The following ENPP3 variants were observed in gnomAD, a reference collection of about 807,000 sequenced individuals.
ENPP3 encodes ectonucleotide pyrophosphatase/phosphodiesterase family member 3.
Under a neutral mutation model 117.8 loss-of-function variants are expected in ENPP3, and 104 were observed. The observed-to-expected ratio is 0.88, with a 90% CI of 0.75 to 1.04. ENPP3 has a LOEUF of 1.04. Ranked by LOEUF, ENPP3 falls within the 50% of genes least tolerant of loss-of-function variation. The pLI is 0.00. For missense variants in ENPP3, 1,026 were observed against 1,051.9 expected (o/e 0.98, Z 0.34); for synonymous variants, 380 against 349.9 (o/e 1.09, Z -0.96).
intron 2 of ENPP3, among the ~76,000 whole-genome samples, chr6:131,648,697 A>G (rs1425084892): frequency 6.6e-6 from 1 of 152,204 alleles, no homozygotes; most frequent in Non-Finnish European, 1.5e-5. Flanking sequence ...TCCTAGACAC[A>G]CTATTATAAC....
In ENPP3 at chr6:131,639,265, A is replaced by ATATATTTTTT. The variant is rs371737976; in HGVS notation, c.78+1804_78+1805insATATTTTTTT. On this transcript the variant is annotated intron_variant, in intron 1 of 24. Coordinates refer to ENST00000357639, the MANE Select transcript of ENPP3 (RefSeq NM_005021.5). ...TATGCTAATATATATATATATATAT[A>ATATATTTTTT]TTTTTTTTTTTTTCTCTCTCTCTTT... 2.0e-4 allele frequency among the ~76,000 whole-genome samples: 21 copies of ATATATTTTTT among 107,178 alleles called. No homozygotes were observed. In the South Asian group the frequency reaches 2.3e-3, roughly 12 times the overall value. 70.3% of individuals were successfully genotyped at this position (107,178 alleles called of 152,430 possible). A position where few individuals can be genotyped will look rare whatever the true frequency, so the allele number is the denominator to read the frequency against.
intron 7 of ENPP3, among the ~76,000 whole-genome samples, chr6:131,673,055 C>T (rs981555245): frequency 7.2e-5 from 11 of 151,968 alleles, no homozygotes; most frequent in African/African-American, 2.2e-4. Flanking sequence ...CAGTGGCTAA[C>T]CATTATTCTA....
At chr6:131,650,281 A>G in intron 3 of ENPP3, 132 bp downstream of exon 3, 2 of 924,066 alleles carry the variant, frequency 2.2e-6, no homozygotes, top group Non-Finnish European at 3.3e-6. Flanking sequence ...GTGCAGTGGC[A>G]TGATCATGGC....
At chr6:131,699,235 C>CAAAAAAAAAAAAAAAAAA (rs4053087) in intron 15 of ENPP3, among the ~76,000 whole-genome samples, 268 of 107,352 alleles carry the variant, frequency 2.5e-3, no homozygotes, top group East Asian at 0.013. Flanking sequence ...AAGACTGTCT[C>CAAAAAAAAAAAAAAAAAA]AAAAAAAAAA....
intron 2 of ENPP3, 121 bp from the exon 3 acceptor site, chr6:131,649,906 T>A: frequency 9.4e-7 from 1 of 1,061,682 alleles, no homozygotes. Context: ...TGCAGCACCA[T>A]AAAAATCATC....
Position 131,655,579 on chromosome 6 carries a change from C to A in ENPP3, c.464+2688C>A, listed in dbSNP as rs533276631. Among the ~76,000 whole-genome samples, 215 of 152,262 alleles carry A rather than the reference C, an allele frequency of 1.4e-3. 3 individuals carry two copies. The highest frequency in any genetic ancestry group is 6.9e-4 in the Non-Finnish European group (47 of 68,020). ...GAATAAGGGGAAGAATTGTTTGAGG[C>A]ACCAAGACTCCCTCACCTGTTGATA... On this transcript the variant is annotated intron_variant, in intron 5 of 24. Transcript: ENST00000357639.
intron 5 of ENPP3, among the ~76,000 whole-genome samples, chr6:131,656,762 G>A (rs535367179): frequency 1.9e-4 from 27 of 145,436 alleles, no homozygotes; most frequent in African/African-American, 5.1e-4. Context: ...GCAAGACTCC[G>A]TCTCAAAAAA....
At chr6:131,675,368 A>G (rs1403946347) in intron 9 of ENPP3, 179 bp downstream of exon 9, 2 of 563,706 alleles carry the variant, frequency 3.5e-6, no homozygotes, top group South Asian at 2.2e-5. Flanking sequence ...TTTTGGCTGT[A>G]ATTAAAAATC....
At chr6:131,679,547 C>T (rs1052013772) in intron 11 of ENPP3, among the ~76,000 whole-genome samples, 24 of 135,026 alleles carry the variant, frequency 1.8e-4, no homozygotes, top group African/African-American at 6.3e-4. Context: ...TGGTCTAGTT[C>T]AAAACCCAAG....
chr6:131,672,133 A>G (rs1160612027), intron 7 of ENPP3, among the ~76,000 whole-genome samples: 1 of 152,224 alleles, frequency 6.6e-6, no homozygotes, highest in Non-Finnish European at 1.5e-5. Context: ...ATTTGTGGTC[A>G]TTTGCAGCCA....
chr6:131,700,655 G>A lies in ENPP3; in HGVS notation c.1412+7031G>A, dbSNP rs1228669705. On this transcript the variant is annotated intron_variant, in intron 15 of 24. Coordinates refer to ENST00000357639, the MANE Select transcript of ENPP3 (RefSeq NM_005021.5). ...ACATGATAATGGCTGTGCCATAAAC[G>A]AGTCCAATCACACAGAGGTGGGAGA... 9 of 1,558,146 alleles carry A rather than the reference G, an allele frequency of 5.8e-6. 1 individual carries two copies. The highest frequency in any genetic ancestry group is 1.2e-5 in the South Asian group (1 of 85,854).
chr6:131,676,910 A>G lies in ENPP3; in HGVS notation c.938+109A>G. 4.3e-6 allele frequency: 3 copies of G among 703,852 alleles called. No individual in the cohort carries two copies. The South Asian group carries it at 5.2e-5, about 12-fold the overall frequency. The allele number at this position is 703,852 out of a possible 1,614,324, so 43.6% of individuals were successfully genotyped here. On this transcript the variant is annotated intron_variant, in intron 10 of 24. Coordinates refer to ENST00000357639, the MANE Select transcript of ENPP3 (RefSeq NM_005021.5). The stretch of plus-strand genomic sequence containing the variant: ...ACAATTTTTGGCTATTTTCGAAACG[A>G]CGTGGCATTGCCTTATAATGGACAC...
rs1199965121 is a variant in ENPP3 at position 131,663,535 on chromosome 6, AAAAAAAAAAGTAGCT to A, written c.562+5118_562+5132del. Among the ~76,000 whole-genome samples, 250 of 151,402 alleles carry A rather than the reference AAAAAAAAAAGTAGCT, an allele frequency of 1.7e-3. 2 individuals carry two copies. The highest frequency in any genetic ancestry group is 5.9e-3 in the African/African-American group (242 of 41,238). ...AACCCTGTCTCTACCAAAAAAAAAA[AAAAAAAAAAGTAGCT>A]AAGCACAATGGGGTGTGCCAGTAGT... On this transcript the variant is annotated intron_variant, in intron 6 of 24. Coordinates refer to ENST00000357639, the MANE Select transcript of ENPP3 (RefSeq NM_005021.5).
Position 131,693,635 on chromosome 6 carries a change from C to G in ENPP3, c.1412+11C>G. On this transcript the variant is annotated intron_variant, in intron 15 of 24. Transcript: ENST00000357639. ...GTGGCTGGCTGTTAGGTTCGTGTAT[C>G]TGTTTACTTATCTCATAATGCCTTT... 1 of 1,611,942 alleles carries G rather than the reference C, an allele frequency of 6.2e-7. No individual in the cohort carries two copies. The highest frequency in any genetic ancestry group is 2.2e-5 in the East Asian group (1 of 44,798).
chr6:131,739,324 C>T (rs931727568), intron 23 of ENPP3, among the ~76,000 whole-genome samples: 1 of 152,184 alleles, frequency 6.6e-6, no homozygotes, highest in Non-Finnish European at 1.5e-5. Flanking sequence ...AACCGAAGTA[C>T]TGTCACATCA....
intron 1 of ENPP3, 148 bp from the exon 2 acceptor site, chr6:131,641,307 G>T: frequency 4.3e-6 from 2 of 463,630 alleles, no homozygotes; most frequent in Non-Finnish European, 3.9e-6. Context: ...CCTCCAGTTA[G>T]GCCAGATACT....
Position 131,641,481 on chromosome 6 carries a change from G to A in ENPP3, c.105G>A (p.Met35Ile), listed in dbSNP as rs149318148. Residue 35 changes from methionine to isoleucine, a missense_variant, in exon 2 of 25, where the codon ATG (methionine) becomes ATA (isoleucine). Coordinates refer to ENST00000357639, the MANE Select transcript of ENPP3 (RefSeq NM_005021.5). ...TTCTTCTTGCTTTGCTGGTGATCAT[G>A]TCACTTGGATTAGGCCTGGGGCTTG... ...CIVLLALLVI[M>I]SLGLGLGLGL... The A allele has an allele frequency of 4.1e-5, 66 of 1,612,142 alleles. No homozygotes were observed. The African/African-American group carries it at 7.6e-4, about 19-fold the overall frequency.
At chr6:131,725,256 T>G (rs190913519) in intron 19 of ENPP3, among the ~76,000 whole-genome samples, 2 of 152,208 alleles carry the variant, frequency 1.3e-5, no homozygotes, top group East Asian at 3.9e-4. Flanking sequence ...CAATTACTTT[T>G]GCTCCAACCT....
At chr6:131,669,280 G>GA (rs1038654362) in intron 6 of ENPP3, among the ~76,000 whole-genome samples, 1 of 151,972 alleles carries the variant, frequency 6.6e-6, no homozygotes, top group African/African-American at 2.4e-5. Context: ...GATTAAATAA[G>GA]AAAAATAAAG....
Sources: allele counts gnomAD v4.1 joint callset (sites outside exome capture counted in the v4.1 genomes callset), GRCh38; gene constraint gnomAD v4.1.1; transcripts MANE v1.5; gene names NCBI Gene and HGNC (gene_info 2026-07-23, HGNC 2026-07-21).